Variants in CCDC178 observed in about 807,000 individuals in gnomAD.
CCDC178 encodes coiled-coil domain containing 178.
CCDC178 carries 126 observed loss-of-function variants against 117.4 expected under a neutral mutation model. That is an observed-to-expected ratio of 1.07 (90% CI 0.93 to 1.24). The LOEUF is 1.24. Ranked by LOEUF, CCDC178 falls within the 50% of genes most tolerant of loss-of-function variation. The pLI, the probability that CCDC178 is intolerant of heterozygous loss-of-function variation, is 0.00. For synonymous variants in CCDC178, 283 were observed against 313.4 expected, an observed-to-expected ratio of 0.90 and a Z score of 1.02; for missense variants, 1,030 against 986.9, an observed-to-expected ratio of 1.04 and a Z score of -0.59.
At chr18:33,021,657 T>C (rs1289231075) in intron 21 of CCDC178, among the ~76,000 whole-genome samples, 2 of 152,242 alleles carry the variant, frequency 1.3e-5, no homozygotes, top group African/African-American at 4.8e-5. Context: ...GATACCACAG[T>C]TCTGACTTGA....
chr18:33,220,687 G>A (rs2059221981), intron 18 of CCDC178, among the ~76,000 whole-genome samples: 1 of 152,026 alleles, frequency 6.6e-6, no homozygotes, highest in Non-Finnish European at 1.5e-5. Flanking sequence ...CCCTTTGTCA[G>A]CACATTGAAA....
intron 22 of CCDC178, among the ~76,000 whole-genome samples, chr18:32,955,413 T>C (rs2144640802): frequency 6.6e-6 from 1 of 152,294 alleles, no homozygotes; most frequent in Non-Finnish European, 1.5e-5. Flanking sequence ...GTCTTTTGTA[T>C]GGAAAATCTT....
At chr18:33,063,398 G>T (rs764423410) in intron 21 of CCDC178, among the ~76,000 whole-genome samples, 1 of 152,150 alleles carries the variant, frequency 6.6e-6, no homozygotes, top group Non-Finnish European at 1.5e-5. Context: ...CATAAACTCT[G>T]TTCAGGGGCC....
intron 21 of CCDC178, among the ~76,000 whole-genome samples, chr18:33,079,552 G>A (rs561851080): frequency 1.2e-4 from 19 of 152,072 alleles, no homozygotes; most frequent in African/African-American, 4.1e-4. Context: ...AATATCCAGT[G>A]TCTGTAAGGA....
intron 11 of CCDC178, among the ~76,000 whole-genome samples, chr18:33,299,512 C>CACAA (rs2062148927): frequency 6.6e-6 from 1 of 151,134 alleles, no homozygotes; most frequent in African/African-American, 2.4e-5. Flanking sequence ...AACACACACA[C>CACAA]ACACACACAC....
chr18:32,967,500 T>C (rs1017914231), intron 22 of CCDC178, among the ~76,000 whole-genome samples: 2 of 151,542 alleles, frequency 1.3e-5, no homozygotes, highest in Non-Finnish European at 3.0e-5. Flanking sequence ...CTTTATTCTT[T>C]TTTTTTTCCA....
intron 9 of CCDC178, among the ~76,000 whole-genome samples, chr18:33,337,372 T>A (rs2062754697): frequency 6.6e-6 from 1 of 152,132 alleles, no homozygotes; most frequent in Non-Finnish European, 1.5e-5. Context: ...TTTGACTTCC[T>A]CTTTACCCAT....
intron 4 of CCDC178, among the ~76,000 whole-genome samples, chr18:33,392,432 C>A (rs2063576142): frequency 6.6e-6 from 1 of 152,132 alleles, no homozygotes; most frequent in Non-Finnish European, 1.5e-5. Context: ...CGGATGTTCC[C>A]ACAACTTGAC....
intron 20 of CCDC178, among the ~76,000 whole-genome samples, chr18:33,124,489 C>A (rs2057978423): frequency 6.6e-6 from 1 of 152,124 alleles, no homozygotes; most frequent in South Asian, 2.1e-4. Context: ...CCCAAAAGCT[C>A]CTAAATTATT....
chr18:33,418,236 C>A (rs1054113320), intron 2 of CCDC178, among the ~76,000 whole-genome samples: 1 of 152,156 alleles, frequency 6.6e-6, no homozygotes, highest in African/African-American at 2.4e-5. Context: ...GAACTAAAAA[C>A]TACATGATCA....
chr18:33,121,861 G>A (rs1255604150), intron 20 of CCDC178, among the ~76,000 whole-genome samples: 1 of 152,102 alleles, frequency 6.6e-6, no homozygotes, highest in Non-Finnish European at 1.5e-5. Context: ...GTAGTCTCTT[G>A]AGACTATAAT....
At chr18:33,005,337 T>C (rs1365448378) in intron 21 of CCDC178, among the ~76,000 whole-genome samples, 1 of 152,038 alleles carries the variant, frequency 6.6e-6, no homozygotes, top group Admixed American at 6.6e-5. Flanking sequence ...GAGGACATCA[T>C]GTTAAGTGAA....
chr18:33,136,589 G>A (rs1045826591), intron 20 of CCDC178, among the ~76,000 whole-genome samples: 5 of 152,120 alleles, frequency 3.3e-5, no homozygotes, highest in Non-Finnish European at 5.9e-5. Context: ...TGGCCCACAG[G>A]ATGAAGACTT....
intron 4 of CCDC178, among the ~76,000 whole-genome samples, chr18:33,391,823 T>C (rs904601838): frequency 6.6e-6 from 1 of 151,918 alleles, no homozygotes; most frequent in Non-Finnish European, 1.5e-5. Context: ...GAAATATATA[T>C]ATATGTACTA....
chr18:33,256,621 A>C (rs923251665), intron 14 of CCDC178, among the ~76,000 whole-genome samples: 1 of 152,098 alleles, frequency 6.6e-6, no homozygotes, highest in African/African-American at 2.4e-5. Context: ...TGTTCTAAAA[A>C]TTATAGATCA....
intron 20 of CCDC178, among the ~76,000 whole-genome samples, chr18:33,161,671 CT>C (rs1598947213): frequency 6.6e-6 from 1 of 152,078 alleles, no homozygotes; most frequent in East Asian, 1.9e-4. Flanking sequence ...TCACAATTAC[CT>C]TCAGGTTTTC....
chr18:33,247,865 C>T (rs564445164), intron 14 of CCDC178, among the ~76,000 whole-genome samples: 10 of 151,734 alleles, frequency 6.6e-5, no homozygotes, highest in South Asian at 2.1e-4. Flanking sequence ...ATGTGTTAAG[C>T]GACATTCCAG....
chr18:33,418,349 G>A lies in CCDC178; in HGVS notation c.-22-6239C>T, dbSNP rs556252679. On this transcript the variant is annotated intron_variant, in intron 2 of 22. Coordinates refer to ENST00000383096, the MANE Select transcript of CCDC178 (RefSeq NM_001105528.4). ...AAAGGAACATATCTCAAAATAATAA[G>A]AGCCATCTAATAAGACAAACCCACA... is the stretch of plus-strand genomic sequence containing the variant. Among the ~76,000 whole-genome samples, 43 of 151,982 alleles carry A rather than the reference G, an allele frequency of 2.8e-4. 3 individuals carry two copies. In the South Asian group the frequency reaches 8.5e-3, roughly 30 times the overall value.
intron 2 of CCDC178, among the ~76,000 whole-genome samples, chr18:33,438,712 C>T (rs746391954): frequency 2.8e-4 from 42 of 152,070 alleles, no homozygotes; most frequent in Non-Finnish European, 4.6e-4. Flanking sequence ...AATTCTCTCC[C>T]TATATCATTA....
Sources: allele counts gnomAD v4.1 joint callset (sites outside exome capture counted in the v4.1 genomes callset), GRCh38; gene constraint gnomAD v4.1.1; transcripts MANE v1.5; gene names NCBI Gene and HGNC (gene_info 2026-07-23, HGNC 2026-07-21).